DISC1: variants seen among roughly 807,000 people sequenced by gnomAD.
DISC1 encodes disrupted in schizophrenia 1 protein.
A neutral mutation model predicts 84.5 loss-of-function variants in DISC1; 57 were observed. The observed-to-expected ratio is 0.67, with a 90% CI of 0.55 to 0.84. DISC1 has a LOEUF of 0.84. Ranked by LOEUF, DISC1 falls within the 40% of genes least tolerant of loss-of-function variation. DISC1 has a pLI of 0.00. For missense variants in DISC1, 1,000 were observed against 1,057.8 expected, an observed-to-expected ratio of 0.95 and a Z score of 0.76; for synonymous variants, 411 against 415.2, an observed-to-expected ratio of 0.99 and a Z score of 0.12.
intron 6 of DISC1, among the ~76,000 whole-genome samples, chr1:231,776,703 A>T (rs1209316400): frequency 1.3e-5 from 2 of 152,250 alleles, no homozygotes; most frequent in Admixed American, 1.3e-4. Flanking sequence ...TCCTCCTTGC[A>T]AGTGAGATTT....
intron 1 of DISC1, among the ~76,000 whole-genome samples, chr1:231,692,117 C>T (rs1297929784): frequency 1.3e-5 from 2 of 152,144 alleles, no homozygotes; most frequent in East Asian, 1.9e-4. Context: ...AACCATGATC[C>T]GGGAGTTCTG....
intron 1 of DISC1, among the ~76,000 whole-genome samples, chr1:231,667,198 G>A (rs1442223303): frequency 6.6e-6 from 1 of 152,190 alleles, no homozygotes; most frequent in Non-Finnish European, 1.5e-5. Context: ...GGACCACAGA[G>A]GTCTTATTCT....
intron 10 of DISC1, among the ~76,000 whole-genome samples, chr1:231,979,932 A>G (rs1663360865): frequency 6.6e-6 from 1 of 152,164 alleles, no homozygotes; most frequent in Non-Finnish European, 1.5e-5. Context: ...AACTCGATGC[A>G]TAGTTAGCTC....
In DISC1 at chr1:232,037,444, C is replaced by T. The variant is rs1166861392; in HGVS notation, c.*613C>T. ...CAACAACCTCCCAGTGATATGCCACCTTTCAATTTTCCTTTTGTGGCAATG... is the reference window on the plus strand; with the variant it reads ...CAACAACCTCCCAGTGATATGCCACTTTTCAATTTTCCTTTTGTGGCAATG... On this transcript the variant is annotated 3_prime_UTR_variant, in exon 13 of 13. Transcript: ENST00000439617. 6.6e-6 allele frequency: 1 copy of T among 152,168 alleles called. No homozygotes were observed. The highest frequency in any genetic ancestry group is 1.5e-5 in the Non-Finnish European group (1 of 68,026). 9.4% of individuals were successfully genotyped at this position (152,168 alleles called of 1,614,324 possible). A position where few individuals can be genotyped will look rare whatever the true frequency, so the allele number is the denominator to read the frequency against.
intron 1 of DISC1, among the ~76,000 whole-genome samples, chr1:231,686,002 C>T (rs760026182): frequency 1.3e-5 from 2 of 152,198 alleles, no homozygotes; most frequent in Non-Finnish European, 2.9e-5. Flanking sequence ...AAATGACCTC[C>T]AGATCTCACA....
intron 2 of DISC1, among the ~76,000 whole-genome samples, chr1:231,696,117 C>T (rs1160378071): frequency 1.3e-5 from 2 of 152,164 alleles, no homozygotes; most frequent in African/African-American, 2.4e-5. Context: ...AAACCACAAC[C>T]ATCTTCCACA....
intron 3 of DISC1, among the ~76,000 whole-genome samples, chr1:231,707,862 AGTCTAAAATCCCTAAC>A (rs1318715870): frequency 6.6e-6 from 1 of 152,186 alleles, no homozygotes; most frequent in Admixed American, 6.5e-5. Context: ...AAATCCCTAA[AGTCTAAAATCCCTAAC>A]ATCTGCAATC....
At chr1:231,786,582 A>T (rs1422112292) in intron 6 of DISC1, among the ~76,000 whole-genome samples, 1 of 152,154 alleles carries the variant, frequency 6.6e-6, no homozygotes, top group African/African-American at 2.4e-5. Flanking sequence ...ACTACCAAAG[A>T]TTGTATGGAA....
At chr1:231,753,236 G>A (rs2074797857) in intron 4 of DISC1, among the ~76,000 whole-genome samples, 1 of 152,222 alleles carries the variant, frequency 6.6e-6, no homozygotes, top group Admixed American at 6.5e-5. Flanking sequence ...GAGGGGTCCT[G>A]CCCTGCAGCA....
intron 6 of DISC1, among the ~76,000 whole-genome samples, chr1:231,779,720 C>T (rs1033958255): frequency 1.1e-4 from 16 of 151,992 alleles, no homozygotes; most frequent in African/African-American, 1.4e-4. Context: ...CCACCACGCC[C>T]GGCTAATTTT....
In DISC1 at chr1:231,874,376, GTCTCGA is replaced by G. The variant is rs2085701309; in HGVS notation, c.1981+55864_1981+55869del. Among the ~76,000 whole-genome samples the G allele has an allele frequency of 1.3e-5, 2 of 151,446 alleles. 1 individual carries two copies. Among genetic ancestry groups the G allele is most frequent in the South Asian group, 4.2e-4 (2 of 4,774 alleles). ...GGGTTTCACCATGTTGGCCAGGGTG[GTCTCGA>G]TCTCTTGACCTCCTGATCTGCCCAC... is the stretch of plus-strand genomic sequence containing the variant. On this transcript the variant is annotated intron_variant, in intron 9 of 12. Transcript: ENST00000439617.
chr1:231,702,338 T>C, intron 3 of DISC1: 1 of 1,055,096 alleles, frequency 9.5e-7, no homozygotes, highest in Middle Eastern at 4.5e-4. Flanking sequence ...ATCCACTTGT[T>C]CATAAAAAAT....
rs182406286 is a variant in DISC1 at position 231,724,478 on chromosome 1, G to A, written c.1117+22454G>A. On this transcript the variant is annotated intron_variant, in intron 3 of 12. Transcript: ENST00000439617. ...CAAACTTCAAGGTGATTGTCTTGAAGCCCTTCACCCAGGAGAGGGAACCAG... is the reference window on the plus strand; with the variant it reads ...CAAACTTCAAGGTGATTGTCTTGAAACCCTTCACCCAGGAGAGGGAACCAG... 2.8e-3 allele frequency among the ~76,000 whole-genome samples: 424 copies of A among 152,298 alleles called. 1 individual carries two copies. Among genetic ancestry groups the A allele is most frequent in the Middle Eastern group, 0.024 (7 of 294 alleles).
Position 231,897,239 on chromosome 1 carries a change from G to A in DISC1, c.1982-61589G>A, listed in dbSNP as rs146100492. ...GGAGGACATATTGCAGCCAAACCTC[G>A]GTGAACTGACTTGGGTACGCTTCTG... On this transcript the variant is annotated intron_variant, in intron 9 of 12. Transcript: ENST00000439617. This position sits in a 1 kb window ranked among gnomAD's most constrained non-coding sequence, Gnocchi z 4.5. Among the ~76,000 whole-genome samples the A allele has an allele frequency of 2.0e-4, 30 of 152,308 alleles. No homozygotes were observed. Among genetic ancestry groups the A allele is most frequent in the African/African-American group, 6.7e-4 (28 of 41,578 alleles).
At chr1:231,661,108 G>T (rs571095432) in intron 1 of DISC1, among the ~76,000 whole-genome samples, 35 of 151,976 alleles carry the variant, frequency 2.3e-4, no homozygotes, top group African/African-American at 8.0e-4. Flanking sequence ...CCATTGAGAG[G>T]TCCTCAGTTA....
At chr1:231,973,770 T>C (rs759395856) in intron 10 of DISC1, among the ~76,000 whole-genome samples, 1 of 152,246 alleles carries the variant, frequency 6.6e-6, no homozygotes, top group Non-Finnish European at 1.5e-5. Context: ...AAAATTCTAA[T>C]TGGGAGTGGG....
At chr1:231,753,995 A>G (rs777739094) in intron 4 of DISC1, among the ~76,000 whole-genome samples, 11 of 152,142 alleles carry the variant, frequency 7.2e-5, no homozygotes, top group Non-Finnish European at 1.6e-4. Flanking sequence ...TCTCATTTCC[A>G]TCTGAGACCT....
chr1:231,923,597 G>A lies in DISC1; in HGVS notation c.1982-35231G>A, dbSNP rs75862976. On this transcript the variant is annotated intron_variant, in intron 9 of 12. Coordinates refer to ENST00000439617, the MANE Select transcript of DISC1 (RefSeq NM_018662.3). ...TACCTCACCCAGTATGGGCTTCCACGCTAAAGACCTCTCACAAACACTTGC... is the reference window on the plus strand; with the variant it reads ...TACCTCACCCAGTATGGGCTTCCACACTAAAGACCTCTCACAAACACTTGC... Among the ~76,000 whole-genome samples, 287 of 152,326 alleles carry A rather than the reference G, an allele frequency of 1.9e-3. 2 individuals carry two copies. Among genetic ancestry groups the A allele is most frequent in the African/African-American group, 6.7e-3 (279 of 41,570 alleles).
chr1:231,700,984 C>G (rs889661313), intron 2 of DISC1, among the ~76,000 whole-genome samples: 2 of 152,090 alleles, frequency 1.3e-5, no homozygotes, highest in African/African-American at 4.8e-5. Flanking sequence ...CTTTGGGTCT[C>G]CTGTTGAGAA....
Sources: gnomAD v4.1 joint callset for allele counts (sites outside exome capture counted in the v4.1 genomes callset) on GRCh38, gnomAD v4.1.1 for gene constraint, Gnocchi (gnomAD v3.1) non-coding constraint, MANE v1.5 for transcripts, NCBI Gene and HGNC (gene_info 2026-07-23, HGNC 2026-07-21) for gene names.